Variants in GPR107 observed in about 807,000 individuals in gnomAD.
GPR107 encodes the protein G protein-coupled receptor 107.
GPR107 carries 31 observed loss-of-function variants against 75.5 expected under a neutral mutation model. That is an observed-to-expected ratio of 0.41 (90% CI 0.31 to 0.55). The LOEUF is 0.55. Among genes scored for constraint, GPR107 ranks in the 20% least tolerant of loss-of-function variants. The pLI is 0.26. For synonymous variants in GPR107, 267 were observed against 251.3 expected (o/e 1.06, Z -0.59); for missense variants, 572 against 665.7 (o/e 0.86, Z 1.55).
At chr9:130,092,914 T>A (rs182840004) in intron 9 of GPR107, among the ~76,000 whole-genome samples, 321 of 152,266 alleles carry the variant, frequency 2.1e-3, no homozygotes, top group South Asian at 8.3e-3. Flanking sequence ...CCACCGTGCC[T>A]GGCCCTAAAT....
At chr9:130,125,514 G>T (rs1330180274) in intron 15 of GPR107, among the ~76,000 whole-genome samples, 1 of 151,336 alleles carries the variant, frequency 6.6e-6, no homozygotes, top group Admixed American at 6.6e-5. Context: ...AGCTGGGACT[G>T]CAGGTGTAGG....
In GPR107 at chr9:130,100,664, T is replaced by G. The variant is rs1239327590; in HGVS notation, c.975T>G (p.Pro325=). ...ACTACATCTCCTCCCAGGGCTTCCC[T>G]ATCGAAGGCTGGGCTGTTGTGTACT... is the stretch of plus-strand genomic sequence containing the variant. ...DYHYISSQGF[P]IEGWAVVYYI... The change falls in exon 11 of 18, where the codon CCT becomes CCG. Residue 325 remains proline (P), a synonymous_variant. Transcript: ENST00000347136. 2 of 1,613,224 alleles carry G rather than the reference T, an allele frequency of 1.2e-6. No homozygotes were observed. The highest frequency in any genetic ancestry group is 2.7e-5 in the African/African-American group (2 of 74,928).
chr9:130,074,008 C>T (rs530606717), intron 1 of GPR107, among the ~76,000 whole-genome samples: 49 of 152,278 alleles, frequency 3.2e-4, no homozygotes, highest in African/African-American at 6.3e-4. Flanking sequence ...CCTCCTGCCT[C>T]GGCCTCCCAA....
At chr9:130,055,777 C>T (rs1829771748) in intron 1 of GPR107, among the ~76,000 whole-genome samples, 1 of 150,972 alleles carries the variant, frequency 6.6e-6, no homozygotes, top group African/African-American at 2.4e-5. Flanking sequence ...AAACCCCTCT[C>T]TACTAAAAAT....
intron 1 of GPR107, among the ~76,000 whole-genome samples, chr9:130,069,871 A>C (rs1020232832): frequency 1.0e-4 from 15 of 149,346 alleles, no homozygotes; most frequent in African/African-American, 3.7e-4. Context: ...TTTTTAGTAG[A>C]GATGGGGTTT....
At position 130,075,629 on chromosome 9, in the gene GPR107, T is replaced by G; in HGVS notation, c.142-7T>G. The G allele has an allele frequency of 2.1e-6, 3 of 1,414,180 alleles. No individual in the cohort carries two copies. The highest frequency in any genetic ancestry group is 3.0e-6 in the Non-Finnish European group (3 of 998,364). The allele number at this position is 1,414,180 out of a possible 1,614,324, so 87.6% of individuals were successfully genotyped here. A position where few individuals can be genotyped will look rare whatever the true frequency, so the allele number is the denominator to read the frequency against. On this transcript the variant is annotated splice_region_variant and splice_polypyrimidine_tract_variant and intron_variant, in intron 1 of 17. Coordinates refer to ENST00000347136, the MANE Select transcript of GPR107 (RefSeq NM_020960.5). ...ATGACTAATTCCACCACTACAAATC[T>G]CTTTAGGATGATGTGAGGCATAAAG...
intron 7 of GPR107, among the ~76,000 whole-genome samples, chr9:130,088,874 T>A (rs1830671216): frequency 6.6e-6 from 1 of 152,156 alleles, no homozygotes; most frequent in Non-Finnish European, 1.5e-5. Flanking sequence ...AATGAGTTTT[T>A]AAAATGTTTT....
At chr9:130,060,880 T>C (rs1006835860) in intron 1 of GPR107, among the ~76,000 whole-genome samples, 1 of 152,202 alleles carries the variant, frequency 6.6e-6, no homozygotes, top group Non-Finnish European at 1.5e-5. Context: ...TCGAGTGCAG[T>C]GTAACTTCTG....
At chr9:130,076,886 G>GTTTTTT (rs201956124) in intron 3 of GPR107, among the ~76,000 whole-genome samples, 9 of 136,124 alleles carry the variant, frequency 6.6e-5, no homozygotes, top group African/African-American at 8.0e-5. Flanking sequence ...GTTTACTTTT[G>GTTTTTT]TTTTTTGTTT....
chr9:130,100,843 C>T (rs938208960), intron 11 of GPR107, 141 bp downstream of exon 11: 1 of 684,732 alleles, frequency 1.5e-6, no homozygotes, highest in African/African-American at 1.8e-5. Flanking sequence ...AGGAGTGTAG[C>T]TCATGGGTGG....
Position 130,115,865 on chromosome 9 carries a change from A to G in GPR107, c.1306+8326A>G, listed in dbSNP as rs555727150. On this transcript the variant is annotated intron_variant, in intron 14 of 17. Coordinates refer to ENST00000347136, the MANE Select transcript of GPR107 (RefSeq NM_020960.5). The stretch of plus-strand genomic sequence containing the variant: ...TGATCTGCCTGCCTCGGCCTCTCAA[A>G]GTGCTGGGATTACAGGCATGAGCCA... Among the ~76,000 whole-genome samples, 234 of 152,176 alleles carry G rather than the reference A, an allele frequency of 1.5e-3. 1 individual carries two copies. The highest frequency in any genetic ancestry group is 5.5e-3 in the African/African-American group (230 of 41,526).
chr9:130,125,428 C>G (rs1357984737), intron 15 of GPR107, among the ~76,000 whole-genome samples: 4 of 148,216 alleles, frequency 2.7e-5, no homozygotes, highest in East Asian at 4.0e-4. Flanking sequence ...GACTGGGTCT[C>G]TCTATGCTAC....
chr9:130,124,414 T>C (rs1801392678), intron 14 of GPR107, among the ~76,000 whole-genome samples: 1 of 152,212 alleles, frequency 6.6e-6, no homozygotes, highest in African/African-American at 2.4e-5. Context: ...CACTTAATGA[T>C]AACTTCAGTG....
At chr9:130,107,065 G>A (rs10988593) in intron 13 of GPR107, among the ~76,000 whole-genome samples, 35,464 of 152,106 alleles carry the variant, frequency 0.23, 4,296 homozygotes, top group Non-Finnish European at 0.28. Context: ...TTTGCATGGT[G>A]CTGTATGTTC....
Position 130,103,334 on chromosome 9 carries a change from G to A in GPR107, c.1132-1086G>A, listed in dbSNP as rs773261079. 6.6e-6 allele frequency among the ~76,000 whole-genome samples: 1 copy of A among 152,224 alleles called. No homozygotes were observed. The highest frequency in any genetic ancestry group is 2.4e-5 in the African/African-American group (1 of 41,462). ...GCACTACAGATTTTACATGCAAAGT[G>A]TGGAGGATTACCTTTTACAGCAAGT... On this transcript the variant is annotated intron_variant, in intron 12 of 17. Transcript: ENST00000347136. This position sits in a 1 kb window ranked among gnomAD's most constrained non-coding sequence, Gnocchi z 4.3.
intron 14 of GPR107, among the ~76,000 whole-genome samples, chr9:130,118,109 A>G (rs1831468695): frequency 6.6e-6 from 1 of 152,148 alleles, no homozygotes; most frequent in African/African-American, 2.4e-5. Flanking sequence ...TTCTCCACTT[A>G]CAAGCTGGGT....
intron 9 of GPR107, among the ~76,000 whole-genome samples, chr9:130,095,348 A>G (rs1830838500): frequency 6.6e-6 from 1 of 152,146 alleles, no homozygotes; most frequent in East Asian, 1.9e-4. Flanking sequence ...ATTGGTGGCA[A>G]TAGTCATTGT....
At chr9:130,091,239 A>G (rs1830728686) in intron 8 of GPR107, among the ~76,000 whole-genome samples, 2 of 152,146 alleles carry the variant, frequency 1.3e-5, no homozygotes, top group African/African-American at 2.4e-5. Flanking sequence ...CTGTAACCCC[A>G]GCACTTTGGG....
At chr9:130,121,137 C>T (rs565499486) in intron 14 of GPR107, among the ~76,000 whole-genome samples, 8 of 152,048 alleles carry the variant, frequency 5.3e-5, no homozygotes, top group Non-Finnish European at 1.2e-4. Context: ...ACCATCATCA[C>T]ACCACTGCAC....
Sources: gnomAD v4.1 joint callset for allele counts (sites outside exome capture counted in the v4.1 genomes callset) on GRCh38, gnomAD v4.1.1 for gene constraint, Gnocchi (gnomAD v3.1) non-coding constraint, MANE v1.5 for transcripts, NCBI Gene and HGNC (gene_info 2026-07-23, HGNC 2026-07-21) for gene names.